Variants in PTPRF observed in about 807,000 individuals in gnomAD.
PTPRF encodes the protein protein tyrosine phosphatase receptor type F.
Under a neutral mutation model 201.8 loss-of-function variants are expected in PTPRF, and 59 were observed. The observed-to-expected ratio is 0.29, with a 90% CI of 0.24 to 0.36. The LOEUF (loss-of-function observed/expected upper bound fraction) is 0.36, where lower values mean the gene tolerates loss of function less well. Ranked by LOEUF, PTPRF falls within the 10% of genes least tolerant of loss-of-function variation. The pLI, the probability that PTPRF is intolerant of heterozygous loss-of-function variation, is 1.00. For missense variants in PTPRF, 2,132 were observed against 2,690.5 expected (o/e 0.79, Z 4.59); for synonymous variants, 1,088 against 1,089.7 (o/e 1.00, Z 0.03).
intron 6 of PTPRF, 119 bp from the exon 7 acceptor site, chr1:43,578,691 C>T (rs1647102477): frequency 2.7e-6 from 2 of 741,280 alleles, no homozygotes; most frequent in Non-Finnish European, 4.6e-6. Context: ...CAGGGTGTGG[C>T]CTGGATGAGC....
chr1:43,604,800 T>TC (rs143274358), intron 16 of PTPRF, 103 bp from the exon 17 acceptor site: 1 of 973,984 alleles, frequency 1.0e-6, no homozygotes, highest in East Asian at 2.4e-5. Context: ...AACCCCCTGT[T>TC]CCCCAACCAG....
chr1:43,548,128 A>G (rs1644797240), intron 3 of PTPRF, among the ~76,000 whole-genome samples: 1 of 116,184 alleles, frequency 8.6e-6, no homozygotes, highest in Non-Finnish European at 1.8e-5. Flanking sequence ...ATGGGGGGGT[A>G]TTGCATAATG....
chr1:43,620,026 T>C, intron 29 of PTPRF, 69 bp from the exon 30 acceptor site: 1 of 1,603,190 alleles, frequency 6.2e-7, no homozygotes. Context: ...CCCAAGGGGC[T>C]AGGCAGCCTA....
intron 7 of PTPRF, among the ~76,000 whole-genome samples, chr1:43,587,104 C>T (rs565571243): frequency 1.3e-5 from 2 of 152,276 alleles, no homozygotes; most frequent in Admixed American, 6.5e-5. Context: ...GTCTGGAGCA[C>T]CAGAGTAAGG....
chr1:43,566,766 C>T (rs926665224), intron 5 of PTPRF, among the ~76,000 whole-genome samples: 2 of 152,136 alleles, frequency 1.3e-5, no homozygotes, highest in African/African-American at 4.8e-5. Flanking sequence ...GGCAGAGTGG[C>T]AGACTTCCGA....
At position 43,605,292 on chromosome 1, in the gene PTPRF, C is replaced by T. The variant is rs776311252; in HGVS notation, c.3238C>T (p.Arg1080Cys). 5.6e-6 allele frequency: 9 copies of T among 1,613,174 alleles called. No individual in the cohort carries two copies. Among genetic ancestry groups the T allele is most frequent in the Non-Finnish European group, 3.4e-6 (4 of 1,179,566 alleles). ...NTEYSFVLMN[R>C]GSSAGGLQHL... ...AGAGTACTCGTTTGTGCTGATGAAC[C>T]GTGGCAGCAGCGCAGGGGGCCTGCA... Residue 1080 changes from arginine (R) to cysteine (C), a missense_variant, in exon 18 of 34, where the codon CGT (arginine) becomes TGT (cysteine). Arg to Cys is a radical substitution (Grantham distance 180). Transcript: ENST00000359947.
At chr1:43,557,184 G>A (rs912211451) in intron 5 of PTPRF, among the ~76,000 whole-genome samples, 2 of 152,234 alleles carry the variant, frequency 1.3e-5, no homozygotes, top group Admixed American at 1.3e-4. Context: ...CTCCTTGTTA[G>A]TATTGAAAGA....
upstream of PTPRF, among the ~76,000 whole-genome samples, chr1:43,523,638 C>T (rs996808037): frequency 6.6e-5 from 10 of 152,080 alleles, no homozygotes; most frequent in Admixed American, 2.0e-4. Flanking sequence ...GATCATAGCA[C>T]AGACATTGTG....
intron 14 of PTPRF, among the ~76,000 whole-genome samples, chr1:43,602,604 G>A (rs492929): frequency 0.22 from 31,574 of 146,120 alleles, 4,328 homozygotes; most frequent in Middle Eastern, 0.32. Flanking sequence ...GGTTGATGAC[G>A]GCTCTGTTCC....
chr1:43,536,275 G>T (rs1644000304), intron 1 of PTPRF, among the ~76,000 whole-genome samples: 2 of 152,166 alleles, frequency 1.3e-5, no homozygotes, highest in African/African-American at 4.8e-5. Context: ...TTGCCTGATA[G>T]GTTGTTTTGA....
chr1:43,532,188 C>T (rs1049336868), intron 1 of PTPRF, among the ~76,000 whole-genome samples: 2 of 152,198 alleles, frequency 1.3e-5, no homozygotes, highest in African/African-American at 2.4e-5. Context: ...TAGGCGCCCC[C>T]CCATTTCCCT....
intron 1 of PTPRF, among the ~76,000 whole-genome samples, chr1:43,534,080 T>C (rs1341727476): frequency 6.6e-6 from 1 of 152,012 alleles, no homozygotes; most frequent in African/African-American, 2.4e-5. Flanking sequence ...GAAGAAGTGA[T>C]GTGAACTAGG....
intron 6 of PTPRF, among the ~76,000 whole-genome samples, chr1:43,571,272 A>G (rs1224294346): frequency 1.3e-5 from 2 of 151,618 alleles, no homozygotes; most frequent in Non-Finnish European, 2.9e-5. Flanking sequence ...CCCTCTTCCT[A>G]GTGCCCCTTC....
intron 1 of PTPRF, among the ~76,000 whole-genome samples, chr1:43,533,025 A>T (rs1311101136): frequency 2.0e-5 from 3 of 152,182 alleles, no homozygotes; most frequent in African/African-American, 7.2e-5. Flanking sequence ...GTATTTTTGT[A>T]TATGCACTTT....
intron 5 of PTPRF, among the ~76,000 whole-genome samples, chr1:43,557,785 C>G (rs886654702): frequency 6.6e-6 from 1 of 152,112 alleles, no homozygotes; most frequent in Non-Finnish European, 1.5e-5. Flanking sequence ...GTCCATGCTC[C>G]GGGGAAGGGT....
intron 23 of PTPRF, 127 bp from the exon 24 acceptor site, chr1:43,617,318 G>A: frequency 5.2e-6 from 7 of 1,355,820 alleles, no homozygotes; most frequent in Non-Finnish European, 7.1e-6. Flanking sequence ...CGAGATAGAG[G>A]GCCTGGCTGT....
chr1:43,577,603 G>A (rs1427649977), intron 6 of PTPRF, among the ~76,000 whole-genome samples: 8 of 152,210 alleles, frequency 5.3e-5, no homozygotes, highest in Non-Finnish European at 8.8e-5. Context: ...AACCGTGAGA[G>A]CATGACTTGG....
In PTPRF at chr1:43,603,440, C is replaced by G. The variant is rs1043165223; in HGVS notation, c.2365C>G (p.Pro789Ala). The G allele has an allele frequency of 6.2e-7, 1 of 1,614,052 alleles. No homozygotes were observed. Among genetic ancestry groups the G allele is most frequent in the African/African-American group, 1.3e-5 (1 of 74,926 alleles). ...GGAAACCACTATCAGCGGCCTGACC[C>G]CGGAGACCACCTACTCCGTTACTGT... ...DYETTISGLT[P>A]ETTYSVTVAA... Residue 789 changes from proline (P) to alanine (A), a missense_variant, in exon 15 of 34, where the codon CCG (proline) becomes GCG (alanine). By Grantham distance (27) the Pro-to-Ala change is conservative (BLOSUM62 -1). This residue lies in a region of PTPRF where 818 missense variants were observed against 915.3 expected (regional missense o/e 0.89). Coordinates refer to ENST00000359947, the MANE Select transcript of PTPRF (RefSeq NM_002840.5). The surrounding 1 kb of genome is among the most constrained non-coding windows in gnomAD (Gnocchi z 5.8).
chr1:43,541,141 G>C (rs539949520), intron 2 of PTPRF, among the ~76,000 whole-genome samples: 1 of 152,340 alleles, frequency 6.6e-6, no homozygotes, highest in South Asian at 2.1e-4. Flanking sequence ...CCCTCCTTCT[G>C]CTCATGTCCA....
Sources: gnomAD v4.1 joint callset for allele counts (sites outside exome capture counted in the v4.1 genomes callset) on GRCh38, gnomAD v4.1.1 for gene constraint, gnomAD v4.1.1 regional missense constraint, Gnocchi (gnomAD v3.1) non-coding constraint, MANE v1.5 for transcripts, NCBI Gene and HGNC (gene_info 2026-07-23, HGNC 2026-07-21) for gene names.